Variants in VPS36 observed in about 807,000 individuals in gnomAD.
VPS36 encodes the protein vacuolar protein sorting 36 homolog.
Under a neutral mutation model 63.5 loss-of-function variants are expected in VPS36, and 31 were observed. The ratio of observed to expected loss-of-function variants is 0.49; its 90% confidence interval spans 0.37 to 0.66. The LOEUF (loss-of-function observed/expected upper bound fraction) is 0.66. VPS36 is among the 30% of genes least tolerant of loss of function. VPS36 has a pLI of 0.00. For missense variants in VPS36, 338 were observed against 463.7 expected (o/e 0.73, Z 2.49); for synonymous variants, 138 against 157.2 (o/e 0.88, Z 0.91).
chr13:52,435,107 G>T (rs1958201325), intron 4 of VPS36, among the ~76,000 whole-genome samples: 2 of 151,822 alleles, frequency 1.3e-5, no homozygotes, highest in South Asian at 2.1e-4. Flanking sequence ...AAGTAGCTGG[G>T]ATTACAGGCA....
chr13:52,417,832 C>G (rs1958007457), intron 11 of VPS36, among the ~76,000 whole-genome samples, 160 bp downstream of exon 11: 2 of 152,192 alleles, frequency 1.3e-5, no homozygotes, highest in South Asian at 2.1e-4. Flanking sequence ...ACTCCTAGCC[C>G]TGTTAGGACA....
Position 52,434,960 on chromosome 13 carries a change from T to C in VPS36, c.352-78A>G. ...TGTATAAATCATTACTTAACATTTC[T>C]TTCTTTTTTTCTTTTTTTTTTTTTT... On this transcript the variant is annotated intron_variant, in intron 4 of 13. Transcript: ENST00000378060. 4 of 1,270,984 alleles carry C rather than the reference T, an allele frequency of 3.1e-6. No individual in the cohort carries two copies. In the Admixed American group the frequency reaches 7.6e-5, roughly 24 times the overall value. The allele number at this position is 1,270,984 out of a possible 1,614,324, so 78.7% of individuals were successfully genotyped here.
At chr13:52,434,387 C>G (rs1045415320) in intron 5 of VPS36, among the ~76,000 whole-genome samples, 1 of 152,000 alleles carries the variant, frequency 6.6e-6, no homozygotes, top group African/African-American at 2.4e-5. Context: ...GAGACGGAGT[C>G]TTGCTCTGTC....
chr13:52,419,807 G>A (rs964989521), intron 10 of VPS36, among the ~76,000 whole-genome samples: 2 of 152,194 alleles, frequency 1.3e-5, no homozygotes, highest in African/African-American at 4.8e-5. Flanking sequence ...AATATCACAT[G>A]TTCTCACTCA....
rs768125287 is a variant in VPS36 at position 52,442,459 on chromosome 13, G to A, written c.97-14C>T. 6 of 1,605,708 alleles carry A rather than the reference G, an allele frequency of 3.7e-6. No homozygotes were observed. Among genetic ancestry groups the A allele is most frequent in the Non-Finnish European group, 3.4e-6 (4 of 1,176,298 alleles). On this transcript the variant is annotated splice_polypyrimidine_tract_variant and intron_variant, in intron 1 of 13. Coordinates refer to ENST00000378060, the MANE Select transcript of VPS36 (RefSeq NM_016075.4). ...ATCAAATTTTATCTAGAAAGAAAGA[G>A]CATCACAAAATATTAATAACATATC...
At chr13:52,449,405 A>C (rs938386487) in intron 1 of VPS36, among the ~76,000 whole-genome samples, 6 of 152,182 alleles carry the variant, frequency 3.9e-5, no homozygotes. Flanking sequence ...GTCCAAGCAA[A>C]TTATTTAAGG....
intron 1 of VPS36, among the ~76,000 whole-genome samples, chr13:52,445,198 T>G (rs1365903768): frequency 6.6e-6 from 1 of 152,246 alleles, no homozygotes; most frequent in East Asian, 1.9e-4. Flanking sequence ...TATGTACTTC[T>G]GGCACTTAGT....
intron 2 of VPS36, among the ~76,000 whole-genome samples, chr13:52,442,070 G>C (rs563646100): frequency 6.6e-6 from 1 of 152,148 alleles, no homozygotes; most frequent in South Asian, 2.1e-4. Flanking sequence ...GCTAACTCCT[G>C]TTTTTGCACT....
chr13:52,415,028 G>T lies in VPS36; in HGVS notation c.*802C>A, dbSNP rs572050766. The T allele has an allele frequency of 6.6e-6, 1 of 152,258 alleles. No individual in the cohort carries two copies. The highest frequency in any genetic ancestry group is 2.1e-4 in the South Asian group (1 of 4,828). The allele number at this position is 152,258 out of a possible 1,614,324, so 9.4% of individuals were successfully genotyped here. On this transcript the variant is annotated 3_prime_UTR_variant, in exon 14 of 14. Coordinates refer to ENST00000378060, the MANE Select transcript of VPS36 (RefSeq NM_016075.4). ...ATTACTTTTCCACTTTCTATTTCCT[G>T]TCTGTGGCTTTGAGGTAAAAGAACA...
intron 9 of VPS36, among the ~76,000 whole-genome samples, chr13:52,423,989 C>T (rs1486304756): frequency 6.6e-6 from 1 of 152,138 alleles, no homozygotes; most frequent in Non-Finnish European, 1.5e-5. Context: ...TCCTGAGTAG[C>T]TGGCACTACA....
chr13:52,430,028 A>G (rs2137788899), intron 6 of VPS36, among the ~76,000 whole-genome samples: 1 of 152,310 alleles, frequency 6.6e-6, no homozygotes, highest in Non-Finnish European at 1.5e-5. Context: ...AATATCTAAC[A>G]TCTAAAAGAT....
At chr13:52,445,422 G>A (rs1342127766) in intron 1 of VPS36, among the ~76,000 whole-genome samples, 2 of 151,674 alleles carry the variant, frequency 1.3e-5, no homozygotes, top group East Asian at 1.9e-4. Context: ...GGCGGATCAC[G>A]AGGTCAGGAG....
intron 11 of VPS36, among the ~76,000 whole-genome samples, chr13:52,417,436 C>T (rs550664959): frequency 1.3e-5 from 2 of 152,282 alleles, no homozygotes; most frequent in Non-Finnish European, 2.9e-5. Flanking sequence ...TCTTGGCTCA[C>T]CGCAACCTCC....
Position 52,421,319 on chromosome 13 carries a change from T to G in VPS36, c.840+2255A>C, listed in dbSNP as rs572038057. Among the ~76,000 whole-genome samples the G allele has an allele frequency of 2.7e-3, 410 of 152,014 alleles. 2 individuals carry two copies. Among genetic ancestry groups the G allele is most frequent in the Non-Finnish European group, 3.5e-3 (241 of 67,970 alleles). ...ACTTACATGTAGAATCTTAAAAAAG[T>G]TGATCTCATAGAAGTAGAGAGTAGA... On this transcript the variant is annotated intron_variant, in intron 10 of 13. Coordinates refer to ENST00000378060, the MANE Select transcript of VPS36 (RefSeq NM_016075.4).
At chr13:52,436,121 C>A in intron 4 of VPS36, 169 bp downstream of exon 4, 2 of 483,040 alleles carry the variant, frequency 4.1e-6, no homozygotes, top group Non-Finnish European at 7.3e-6. Context: ...TCTCCACTCA[C>A]TGCTAAGGCT....
chr13:52,440,035 G>A (rs1211542456), intron 2 of VPS36, among the ~76,000 whole-genome samples: 1 of 151,000 alleles, frequency 6.6e-6, no homozygotes, highest in African/African-American at 2.4e-5. Context: ...CTGGAGTGCA[G>A]TAGTACAATC....
At chr13:52,436,521 ATCCC>A in intron 3 of VPS36, 117 bp from the exon 4 acceptor site, 2 of 728,032 alleles carry the variant, frequency 2.7e-6, no homozygotes, top group Non-Finnish European at 2.3e-6. Context: ...AGAAACAAAC[ATCCC>A]AAAAAGCATC....
At chr13:52,424,061 T>C (rs561120463) in intron 9 of VPS36, among the ~76,000 whole-genome samples, 195 of 152,206 alleles carry the variant, frequency 1.3e-3, no homozygotes, top group Non-Finnish European at 2.2e-3. Context: ...GGTTTCACCA[T>C]GTTGGTTGGG....
intron 6 of VPS36, among the ~76,000 whole-genome samples, chr13:52,431,762 C>CAAAAAAAAAA (rs60968712): frequency 1.5e-5 from 1 of 68,086 alleles, no homozygotes; most frequent in African/African-American, 5.1e-5. Context: ...GACTCTGTCT[C>CAAAAAAAAAA]AAAAAAAAAA....
Sources: gnomAD v4.1 joint callset for allele counts (sites outside exome capture counted in the v4.1 genomes callset) on GRCh38, gnomAD v4.1.1 for gene constraint, MANE v1.5 for transcripts, NCBI Gene and HGNC (gene_info 2026-07-23, HGNC 2026-07-21) for gene names.